The following LDLRAD4 variants were observed in gnomAD, a reference collection of about 807,000 sequenced individuals.
The protein encoded by LDLRAD4 is low-density lipoprotein receptor class A domain-containing protein 4.
Under a neutral mutation model 17.0 loss-of-function variants are expected in LDLRAD4, and 5 were observed. The ratio of observed to expected loss-of-function variants is 0.29; its 90% CI spans 0.15 to 0.62. LDLRAD4 has a LOEUF of 0.62. LDLRAD4 is among the 20% of genes least tolerant of loss of function. The pLI is 0.84. For synonymous variants in LDLRAD4, 168 were observed against 171.8 expected (o/e 0.98, Z 0.17); for missense variants, 340 against 424.7 (o/e 0.80, Z 1.75).
intron 3 of LDLRAD4, chr18:13,522,496 A>C (rs1022601728): frequency 6.6e-6 from 1 of 151,936 alleles, no homozygotes; most frequent in Non-Finnish European, 1.5e-5. Context: ...GAGTGGTCCT[A>C]AGGGGTTGTT....
chr18:13,415,398 C>T (rs767221322), intron 2 of LDLRAD4, among the ~76,000 whole-genome samples: 9 of 152,270 alleles, frequency 5.9e-5, no homozygotes, highest in Non-Finnish European at 1.0e-4. Context: ...GCACATAGTG[C>T]GCCTGAGCTG....
At chr18:13,223,718 G>T (rs1277459121) in intron 1 of LDLRAD4, among the ~76,000 whole-genome samples, 1 of 152,200 alleles carries the variant, frequency 6.6e-6, no homozygotes, top group Non-Finnish European at 1.5e-5. Flanking sequence ...TGCTTCTGTA[G>T]CCTCTCCTGT....
At chr18:13,245,309 G>A (rs184414635) in intron 1 of LDLRAD4, among the ~76,000 whole-genome samples, 14 of 152,330 alleles carry the variant, frequency 9.2e-5, no homozygotes, top group Non-Finnish European at 1.5e-4. Context: ...AGACAGGCAC[G>A]TGAGGGCAGC....
intron 3 of LDLRAD4, among the ~76,000 whole-genome samples, chr18:13,591,514 TAAAGA>T (rs553318278): frequency 3.7e-4 from 57 of 152,028 alleles, no homozygotes; most frequent in Non-Finnish European, 7.4e-4. Context: ...ATGTTAAAAA[TAAAGA>T]AAACAATCAG....
At chr18:13,545,031 C>T (rs1425180979) in intron 3 of LDLRAD4, among the ~76,000 whole-genome samples, 1 of 151,936 alleles carries the variant, frequency 6.6e-6, no homozygotes, top group African/African-American at 2.4e-5. Context: ...TGTGTGAAGT[C>T]AGTCCCAAAG....
At chr18:13,574,182 A>G (rs2094733840) in intron 3 of LDLRAD4, among the ~76,000 whole-genome samples, 2 of 152,158 alleles carry the variant, frequency 1.3e-5, no homozygotes, top group South Asian at 4.1e-4. Flanking sequence ...TCTCACTATT[A>G]TCAAATTTAA....
intron 1 of LDLRAD4, among the ~76,000 whole-genome samples, chr18:13,261,965 C>T (rs114739281): frequency 0.012 from 1,859 of 151,952 alleles, 53 homozygotes; most frequent in African/African-American, 0.043. Context: ...AAATGAGTCC[C>T]GTGTGGCTCT....
intron 1 of LDLRAD4, among the ~76,000 whole-genome samples, chr18:13,231,475 G>C (rs1013458215): frequency 4.6e-5 from 7 of 152,074 alleles, no homozygotes; most frequent in Non-Finnish European, 2.9e-5. Context: ...TCCCATCTTT[G>C]TCGAAAACCA....
intron 1 of LDLRAD4, among the ~76,000 whole-genome samples, chr18:13,375,426 C>T (rs777939395): frequency 9.2e-5 from 14 of 152,068 alleles, no homozygotes; most frequent in Admixed American, 3.3e-4. Flanking sequence ...TGAGTCATTT[C>T]GATAGGAGTG....
chr18:13,429,049 G>A (rs1392118795), intron 2 of LDLRAD4, among the ~76,000 whole-genome samples: 1 of 152,156 alleles, frequency 6.6e-6, no homozygotes, highest in Non-Finnish European at 1.5e-5. Context: ...CCAAGGGTGA[G>A]CTGGAGCACT....
chr18:13,374,820 A>G (rs1599760158), intron 1 of LDLRAD4, among the ~76,000 whole-genome samples: 1 of 152,224 alleles, frequency 6.6e-6, no homozygotes, highest in African/African-American at 2.4e-5. Flanking sequence ...TACACAGCCC[A>G]GCTGCTGGGA....
chr18:13,496,818 T>G (rs2093479626), intron 3 of LDLRAD4, among the ~76,000 whole-genome samples: 1 of 152,212 alleles, frequency 6.6e-6, no homozygotes, highest in South Asian at 2.1e-4. Context: ...CCACATAGTA[T>G]AAAATGTCAT....
intron 3 of LDLRAD4, among the ~76,000 whole-genome samples, chr18:13,531,812 G>A (rs71353274): frequency 2.0e-5 from 3 of 152,108 alleles, no homozygotes; most frequent in African/African-American, 7.2e-5. Context: ...GCTGGCCTCA[G>A]AGACAGTGGA....
intron 4 of LDLRAD4, chr18:13,642,044 G>A (rs1044054085): frequency 9.1e-6 from 9 of 985,224 alleles, no homozygotes; most frequent in Non-Finnish European, 2.4e-6. Flanking sequence ...CCCCGCCCTC[G>A]TCTGTGCCTG....
At chr18:13,376,734 A>G (rs2084941052) in intron 1 of LDLRAD4, among the ~76,000 whole-genome samples, 1 of 152,144 alleles carries the variant, frequency 6.6e-6, no homozygotes, top group South Asian at 2.1e-4. Flanking sequence ...GAGGGCACGT[A>G]TCTTTACCGC....
intron 1 of LDLRAD4, among the ~76,000 whole-genome samples, chr18:13,248,949 A>G (rs1382521849): frequency 6.6e-6 from 1 of 152,050 alleles, no homozygotes; most frequent in Admixed American, 6.5e-5. Context: ...TCTACTTTTT[A>G]CTTCTATGAG....
chr18:13,493,956 G>A (rs2093409979), intron 3 of LDLRAD4, among the ~76,000 whole-genome samples: 1 of 152,256 alleles, frequency 6.6e-6, no homozygotes, highest in African/African-American at 2.4e-5. Flanking sequence ...GCCCAGCATG[G>A]AGGCGTGTGG....
chr18:13,609,840 G>A (rs965709846), intron 3 of LDLRAD4, among the ~76,000 whole-genome samples: 6 of 152,138 alleles, frequency 3.9e-5, no homozygotes, highest in Admixed American at 3.3e-4. Context: ...AAATTAGCCC[G>A]GCATGTTGGC....
chr18:13,388,376 A>T (rs2085988850), intron 2 of LDLRAD4, among the ~76,000 whole-genome samples: 1 of 152,208 alleles, frequency 6.6e-6, no homozygotes, highest in Non-Finnish European at 1.5e-5. Flanking sequence ...CTTTTGTCTG[A>T]TTCATGTAAC....
Sources: gnomAD v4.1 joint callset for allele counts (sites outside exome capture counted in the v4.1 genomes callset) on GRCh38, gnomAD v4.1.1 for gene constraint, MANE v1.5 for transcripts, NCBI Gene and HGNC (gene_info 2026-07-23, HGNC 2026-07-21) for gene names.